The following DPP6 variants were observed in gnomAD, a reference collection of about 807,000 sequenced individuals.
The protein encoded by DPP6 is dipeptidyl peptidase like 6.
DPP6 carries 69 observed loss-of-function variants against 122.6 expected under a neutral mutation model. The observed-to-expected ratio is 0.56, with a 90% CI of 0.46 to 0.69. The LOEUF is 0.69. DPP6 is among the 30% of genes least tolerant of loss of function. The pLI, the probability that DPP6 is intolerant of heterozygous loss-of-function variation, is 0.00. For missense variants in DPP6, 928 were observed against 1,116.9 expected, an observed-to-expected ratio of 0.83 and a Z score of 2.41; for synonymous variants, 418 against 433.1, an observed-to-expected ratio of 0.97 and a Z score of 0.43.
chr7:154,132,114 TTAGTGTTC>T (rs1795311069), intron 1 of DPP6, among the ~76,000 whole-genome samples: 1 of 152,108 alleles, frequency 6.6e-6, no homozygotes, highest in South Asian at 2.1e-4. Flanking sequence ...ATTCTAGGTC[TTAGTGTTC>T]TACCTGGTCA....
chr7:154,603,862 G>T (rs183332828), intron 5 of DPP6, among the ~76,000 whole-genome samples: 1 of 117,810 alleles, frequency 8.5e-6, no homozygotes, highest in Non-Finnish European at 1.9e-5. Context: ...AGTCAGGTTC[G>T]GATGTAGGGT....
chr7:154,033,242 T>G (rs1799349848), intron 1 of DPP6, among the ~76,000 whole-genome samples: 1 of 152,252 alleles, frequency 6.6e-6, no homozygotes, highest in Admixed American at 6.5e-5. Flanking sequence ...TACTATATCC[T>G]TTGACATAAA....
chr7:153,794,072 A>G, the DPP6 span, among the ~76,000 whole-genome samples: 2 of 152,240 alleles, frequency 1.3e-5, no homozygotes, highest in African/African-American at 4.8e-5. Flanking sequence ...AGGGCAGTGC[A>G]GACGGAAATG....
chr7:154,713,155 G>C (rs146055287), intron 7 of DPP6, among the ~76,000 whole-genome samples: 2 of 152,234 alleles, frequency 1.3e-5, no homozygotes, highest in Non-Finnish European at 2.9e-5. Flanking sequence ...TGTGTTTCAC[G>C]TCTAGGTCAT....
intron 1 of DPP6, among the ~76,000 whole-genome samples, chr7:154,143,205 A>T (rs535261076): frequency 7.5e-4 from 115 of 152,322 alleles, no homozygotes; most frequent in African/African-American, 2.7e-3. Flanking sequence ...TGCCGTATTC[A>T]GAATAAAAAG....
chr7:153,910,647 A>G (rs1428914805), intron 1 of DPP6, among the ~76,000 whole-genome samples: 2 of 152,102 alleles, frequency 1.3e-5, no homozygotes, highest in African/African-American at 4.8e-5. Flanking sequence ...TCACGTGCCT[A>G]ATGGGTCATA....
rs967047884 is a variant in DPP6 at position 154,386,705 on chromosome 7, C to T, written c.244-59509C>T. Reference sequence around the variant, plus strand: ...TTCATATGTAAAAGTTAGGTTAACTCGGAACAGGAGATGCAAAAACCCCAT... The same window carrying T: ...TTCATATGTAAAAGTTAGGTTAACTTGGAACAGGAGATGCAAAAACCCCAT... On this transcript the variant is annotated intron_variant, in intron 1 of 25. Coordinates refer to ENST00000377770, the MANE Select transcript of DPP6 (RefSeq NM_130797.4). 2.6e-5 allele frequency among the ~76,000 whole-genome samples: 4 copies of T among 152,078 alleles called. No individual in the cohort carries two copies. In the East Asian group the frequency reaches 5.8e-4, roughly 22 times the overall value.
the DPP6 span, among the ~76,000 whole-genome samples, chr7:153,851,081 G>A: frequency 5.3e-5 from 8 of 151,950 alleles, no homozygotes; most frequent in Non-Finnish European, 7.4e-5. Flanking sequence ...ATATTTTCCC[G>A]ACAATGTCTA....
At chr7:153,828,571 TTTTAA>T in the DPP6 span, among the ~76,000 whole-genome samples, 1 of 152,208 alleles carries the variant, frequency 6.6e-6, no homozygotes, top group Non-Finnish European at 1.5e-5. Flanking sequence ...AGGATAAAAC[TTTTAA>T]TTAGGAAAGA....
the DPP6 span, among the ~76,000 whole-genome samples, chr7:153,794,412 C>T: frequency 6.6e-6 from 1 of 152,122 alleles, no homozygotes; most frequent in Non-Finnish European, 1.5e-5. Context: ...TTGCATGGGC[C>T]TTGTAACCAC....
the DPP6 span, among the ~76,000 whole-genome samples, chr7:153,858,019 T>C: frequency 6.6e-6 from 1 of 152,236 alleles, no homozygotes. Context: ...ATTTACATAC[T>C]GATGTACTTG....
chr7:153,889,505 A>C (rs1052970317), intron 1 of DPP6, among the ~76,000 whole-genome samples: 1 of 152,238 alleles, frequency 6.6e-6, no homozygotes. Context: ...ACATCAATCT[A>C]CCGCCAAATA....
chr7:154,596,400 G>A (rs1351014754), intron 5 of DPP6, among the ~76,000 whole-genome samples: 1 of 152,212 alleles, frequency 6.6e-6, no homozygotes, highest in Admixed American at 6.5e-5. Context: ...CGCTGACGCG[G>A]GAACACGGGC....
At chr7:154,219,004 T>C (rs574838766) in intron 1 of DPP6, among the ~76,000 whole-genome samples, 45 of 152,346 alleles carry the variant, frequency 3.0e-4, no homozygotes, top group African/African-American at 1.0e-3. Flanking sequence ...TTTCCCAGAA[T>C]GGGCCTGTCT....
At chr7:154,258,546 C>T (rs56099402) in intron 1 of DPP6, among the ~76,000 whole-genome samples, 22,980 of 152,108 alleles carry the variant, frequency 0.15, 2,252 homozygotes, top group Non-Finnish European at 0.22. Context: ...TTATCATGCT[C>T]CACAACCAAT....
In DPP6 at chr7:154,555,480, G is replaced by C. The variant is rs376385551; in HGVS notation, c.553-11362G>C. Among the ~76,000 whole-genome samples the C allele has an allele frequency of 7.0e-4, 107 of 152,040 alleles. 2 individuals carry two copies. The South Asian group carries it at 0.021, about 31-fold the overall frequency. ...GGCGACTGTTGTGGGGTGGGGGAAGGGGGGACGGATAGCATTAGGAGATAT... is the reference window on the plus strand; with the variant it reads ...GGCGACTGTTGTGGGGTGGGGGAAGCGGGGACGGATAGCATTAGGAGATAT... On this transcript the variant is annotated intron_variant, in intron 4 of 25. Transcript: ENST00000377770.
intron 10 of DPP6, among the ~76,000 whole-genome samples, chr7:154,784,734 G>T (rs1427369855): frequency 6.6e-6 from 1 of 152,164 alleles, no homozygotes; most frequent in Non-Finnish European, 1.5e-5. Context: ...AACAAAAAGA[G>T]CAAGCTCTCA....
chr7:154,557,782 G>T (rs1463140591), intron 4 of DPP6, among the ~76,000 whole-genome samples: 1 of 151,896 alleles, frequency 6.6e-6, no homozygotes, highest in Non-Finnish European at 1.5e-5. Flanking sequence ...AGCACGAAGG[G>T]GAAAAATTCA....
intron 3 of DPP6, among the ~76,000 whole-genome samples, chr7:154,527,045 C>T (rs962022779): frequency 1.3e-5 from 2 of 152,254 alleles, no homozygotes; most frequent in Non-Finnish European, 2.9e-5. Context: ...CCTTTATTTA[C>T]GTTATAGCTG....
Sources: allele counts gnomAD v4.1 joint callset (sites outside exome capture counted in the v4.1 genomes callset), GRCh38; gene constraint gnomAD v4.1.1; transcripts MANE v1.5; gene names NCBI Gene and HGNC (gene_info 2026-07-23, HGNC 2026-07-21).